Variants in AMPH observed in about 807,000 individuals in gnomAD.
AMPH encodes the protein amphiphysin (Stiff-Mann syndrome with breast cancer 128kD autoantigen).
A neutral mutation model predicts 99.1 loss-of-function variants in AMPH; 49 were observed. The observed-to-expected ratio is 0.49, with a 90% CI of 0.39 to 0.63. The LOEUF (loss-of-function observed/expected upper bound fraction) is 0.63. Ranked by LOEUF, AMPH falls within the 20% of genes least tolerant of loss-of-function variation. The pLI, the probability that AMPH is intolerant of heterozygous loss-of-function variation, is 0.00. For missense variants in AMPH, 759 were observed against 863.4 expected, an observed-to-expected ratio of 0.88 and a Z score of 1.52; for synonymous variants, 314 against 317.3, an observed-to-expected ratio of 0.99 and a Z score of 0.11.
intron 11 of AMPH, among the ~76,000 whole-genome samples, chr7:38,445,380 T>C (rs1287429561): frequency 6.6e-6 from 1 of 152,130 alleles, no homozygotes; most frequent in African/African-American, 2.4e-5. Flanking sequence ...CTTTTAGATG[T>C]TACATGAAAT....
At chr7:38,403,812 G>T (rs1784909238) in intron 17 of AMPH, among the ~76,000 whole-genome samples, 1 of 152,242 alleles carries the variant, frequency 6.6e-6, no homozygotes, top group South Asian at 2.1e-4. Context: ...CACCATTGTG[G>T]ATGCAGAGCA....
chr7:38,383,714 C>T lies in AMPH; in HGVS notation c.*1104G>A, dbSNP rs1448391355. 1.4e-5 allele frequency: 2 copies of T among 147,486 alleles called. No individual in the cohort carries two copies. Among genetic ancestry groups the T allele is most frequent in the Admixed American group, 1.4e-4 (2 of 14,752 alleles). The allele number at this position is 147,486 out of a possible 1,614,324, so 9.1% of individuals were successfully genotyped here. ...ACTCATCAAAAGGAATTAGGGTAAT[C>T]GTTGAAGATTACCAAAGGTTTATTT... On this transcript the variant is annotated 3_prime_UTR_variant, in exon 21 of 21. Transcript: ENST00000356264.
At chr7:38,554,009 G>A (rs574788490) in intron 1 of AMPH, among the ~76,000 whole-genome samples, 1 of 152,296 alleles carries the variant, frequency 6.6e-6, no homozygotes, top group East Asian at 1.9e-4. Context: ...GGTGCTGGGG[G>A]CCTTAGTGAC....
At chr7:38,542,679 A>C (rs576935937) in intron 1 of AMPH, among the ~76,000 whole-genome samples, 4 of 152,312 alleles carry the variant, frequency 2.6e-5, no homozygotes, top group Admixed American at 6.5e-5. Context: ...TGAGTTAGCA[A>C]TGTAAAAACT....
At chr7:38,467,602 T>A (rs1787707862) in intron 7 of AMPH, among the ~76,000 whole-genome samples, 1 of 151,496 alleles carries the variant, frequency 6.6e-6, no homozygotes, top group African/African-American at 2.4e-5. Flanking sequence ...TAGAGAAGCA[T>A]CCAGAGGGGC....
At chr7:38,550,683 C>G (rs62444215) in intron 1 of AMPH, among the ~76,000 whole-genome samples, 32,165 of 152,092 alleles carry the variant, frequency 0.21, 4,253 homozygotes, top group Non-Finnish European at 0.3. Flanking sequence ...TTTATCATCC[C>G]TCCTCCCTCT....
chr7:38,573,174 G>A (rs1294021502), intron 1 of AMPH, among the ~76,000 whole-genome samples: 3 of 152,188 alleles, frequency 2.0e-5, no homozygotes, highest in Non-Finnish European at 4.4e-5. Context: ...ACTGGGGCTT[G>A]TGGACACTGG....
intron 1 of AMPH, among the ~76,000 whole-genome samples, chr7:38,568,236 C>T (rs1791816137): frequency 6.6e-6 from 1 of 152,150 alleles, no homozygotes; most frequent in African/African-American, 2.4e-5. Context: ...GAGGCCGAGG[C>T]AGGCGGATCA....
chr7:38,510,576 A>T lies in AMPH; in HGVS notation c.151-6872T>A, dbSNP rs140958714. On this transcript the variant is annotated intron_variant, in intron 2 of 20. Coordinates refer to ENST00000356264, the MANE Select transcript of AMPH (RefSeq NM_001635.4). ...CTCACAATAATTGCATATGGTTGGC[A>T]CATTATTATGAGAAAACAGAGGCAC... is the stretch of plus-strand genomic sequence containing the variant. Among the ~76,000 whole-genome samples the T allele has an allele frequency of 2.0e-4, 30 of 152,322 alleles. No individual in the cohort carries two copies. The East Asian group carries it at 5.8e-3, about 29-fold the overall frequency.
intron 2 of AMPH, among the ~76,000 whole-genome samples, 181 bp downstream of exon 2, chr7:38,534,750 T>G (rs751936567): frequency 7.9e-5 from 12 of 152,318 alleles, no homozygotes; most frequent in Middle Eastern, 3.4e-3. Context: ...TTCCAAAACC[T>G]ACTCTCTATG....
rs754533901 is a variant in AMPH at position 38,598,271 on chromosome 7, TTTG to T, written c.69+33009_69+33011del. 2.6e-3 allele frequency among the ~76,000 whole-genome samples: 402 copies of T among 151,966 alleles called. 2 individuals are homozygous for T. The highest frequency in any genetic ancestry group is 7.6e-3 in the African/African-American group (314 of 41,478). ...TGTTTTTTGTTGTTGTTGTTGTTCT[TTTG>T]TTGTTGTTGTTGTTGTTGTTTGTTT... On this transcript the variant is annotated intron_variant, in intron 1 of 20. Coordinates refer to ENST00000356264, the MANE Select transcript of AMPH (RefSeq NM_001635.4).
At chr7:38,421,114 A>G in intron 16 of AMPH, 1 of 455,964 alleles carries the variant, frequency 2.2e-6, no homozygotes, top group South Asian at 1.6e-5. Flanking sequence ...TGTCTGCTTC[A>G]GAGAATACAT....
intron 4 of AMPH, among the ~76,000 whole-genome samples, chr7:38,494,147 C>T (rs1320345148): frequency 6.6e-6 from 1 of 151,982 alleles, no homozygotes; most frequent in Non-Finnish European, 1.5e-5. Flanking sequence ...TTAGTGGAGA[C>T]GAGGTTTCAC....
intron 1 of AMPH, among the ~76,000 whole-genome samples, chr7:38,613,734 C>CA (rs1318963747): frequency 9.1e-5 from 13 of 143,510 alleles, no homozygotes; most frequent in Non-Finnish European, 1.1e-4. Flanking sequence ...TTTTGTTTCA[C>CA]AAAAAAATGG....
chr7:38,494,049 T>G (rs1390922868), intron 4 of AMPH, among the ~76,000 whole-genome samples: 1 of 152,120 alleles, frequency 6.6e-6, no homozygotes, highest in Non-Finnish European at 1.5e-5. Flanking sequence ...CTCCACCTCC[T>G]GGGTCCAAGC....
At chr7:38,478,763 C>T (rs912783552) in intron 5 of AMPH, among the ~76,000 whole-genome samples, 9 of 151,826 alleles carry the variant, frequency 5.9e-5, no homozygotes, top group Non-Finnish European at 8.8e-5. Flanking sequence ...GATATAGAAA[C>T]GTTAATGGTC....
intron 1 of AMPH, among the ~76,000 whole-genome samples, chr7:38,590,798 G>C (rs915318318): frequency 2.6e-5 from 4 of 152,108 alleles, no homozygotes; most frequent in Admixed American, 6.6e-5. Flanking sequence ...AAGTTCCCTG[G>C]AAAACTAAGT....
chr7:38,581,292 A>G (rs1177309853), intron 1 of AMPH, among the ~76,000 whole-genome samples: 1 of 152,170 alleles, frequency 6.6e-6, no homozygotes, highest in African/African-American at 2.4e-5. Context: ...ATGGGTATTA[A>G]GGGAAGGCCT....
At chr7:38,497,556 T>C (rs1168579440) in intron 3 of AMPH, among the ~76,000 whole-genome samples, 2 of 152,220 alleles carry the variant, frequency 1.3e-5, no homozygotes, top group African/African-American at 4.8e-5. Context: ...CACTACTTTA[T>C]AAGTACTCCT....
Sources: gnomAD v4.1 joint callset for allele counts (sites outside exome capture counted in the v4.1 genomes callset) on GRCh38, gnomAD v4.1.1 for gene constraint, MANE v1.5 for transcripts, NCBI Gene and HGNC (gene_info 2026-07-23, HGNC 2026-07-21) for gene names.